Variants in NOTCH4 observed in about 807,000 individuals in gnomAD.
The protein encoded by NOTCH4 is notch receptor 4, also known as neurogenic locus notch homolog protein 4.
A neutral mutation model predicts 189.0 loss-of-function variants in NOTCH4; 138 were observed. The observed-to-expected ratio is 0.73, with a 90% CI of 0.64 to 0.84. NOTCH4 has a LOEUF of 0.84. NOTCH4 is among the 40% of genes least tolerant of loss of function. NOTCH4 has a pLI of 0.00. For synonymous variants in NOTCH4, 942 were observed against 1,032.8 expected (o/e 0.91, Z 1.69); for missense variants, 2,286 against 2,605.4 (o/e 0.88, Z 2.67).
In NOTCH4 at chr6:32,219,572, A is replaced by G; in HGVS notation, c.1510+20T>C. The stretch of plus-strand genomic sequence containing the variant: ...ACTAGTTCCCTGTTTTCCCCACCCA[A>G]GGCCCCATCCAGCTGATACCTGGCG... On this transcript the variant is annotated intron_variant, in intron 8 of 29. Coordinates refer to ENST00000375023, the MANE Select transcript of NOTCH4 (RefSeq NM_004557.4). 1 of 1,608,958 alleles carries G rather than the reference A, an allele frequency of 6.2e-7. No individual in the cohort carries two copies. Among genetic ancestry groups the G allele is most frequent in the Non-Finnish European group, 8.5e-7 (1 of 1,177,910 alleles).
Position 32,197,555 on chromosome 6 carries a change from T to TC in NOTCH4, c.4795dup (p.Glu1599GlyfsTer16). 6.2e-7 allele frequency: 1 copy of TC among 1,612,458 alleles called. No individual in the cohort carries two copies. The highest frequency in any genetic ancestry group is 1.1e-5 in the South Asian group (1 of 90,842). ...CCCTTGGAAGGTCCCGGACTGTACT[T>TC]CCCCACAGCAAACTGCTGACATCAG... On this transcript the variant is annotated frameshift_variant, in exon 27 of 30. Transcript: ENST00000375023. LOFTEE classifies it high-confidence loss of function.
At chr6:32,196,836 C>A in intron 28 of NOTCH4, 89 bp downstream of exon 28, 2 of 1,465,226 alleles carry the variant, frequency 1.4e-6, no homozygotes, top group Non-Finnish European at 1.9e-6. Context: ...AGAGGGAATG[C>A]CCCTCTGCTG....
intron 7 of NOTCH4, 95 bp downstream of exon 7, chr6:32,220,033 TG>T: frequency 7.1e-7 from 1 of 1,407,756 alleles, no homozygotes; most frequent in Non-Finnish European, 9.8e-7. Context: ...AAAAGATGTT[TG>T]GTTTTTTAAT....
rs1218431534 is a variant in NOTCH4, at chr6:32,223,950, C to A, written c.-22G>T. ...GCATTCCACAGCCCCTTCTCCAAGC[C>A]CCGGTCCCTGTCCCTCTTCAGGCAG... is the stretch of plus-strand genomic sequence containing the variant. On this transcript the variant is annotated 5_prime_UTR_variant, in exon 1 of 30. Coordinates refer to ENST00000375023, the MANE Select transcript of NOTCH4 (RefSeq NM_004557.4). 4 of 1,588,050 alleles carry A rather than the reference C, an allele frequency of 2.5e-6. No homozygotes were observed. Among genetic ancestry groups the A allele is most frequent in the African/African-American group, 2.7e-5 (2 of 74,008 alleles).
In NOTCH4 at chr6:32,201,135, G is replaced by A. The variant is rs1322935878; in HGVS notation, c.4121C>T (p.Thr1374Ile). 3 of 1,611,340 alleles carry A rather than the reference G, an allele frequency of 1.9e-6. No individual in the cohort carries two copies. Among genetic ancestry groups the A allele is most frequent in the Admixed American group, 1.7e-5 (1 of 59,866 alleles). Residue 1374 changes from threonine (T) to isoleucine (I), a missense_variant, in exon 22 of 30, where the codon ACC (threonine) becomes ATC (isoleucine). Thr to Ile is a moderately conservative substitution (Grantham distance 89). Around this residue, in one of 2 missense-constraint regions of NOTCH4, gnomAD observed 1,903 missense variants for 2,261.9 expected, o/e 0.84. Transcript: ENST00000375023. This position sits in a 1 kb window ranked among gnomAD's most constrained non-coding sequence, Gnocchi z 5.5. ...APQTQPLGKE[T>I]DSLSAGFVVV... ...TTCTTACCCAGCACTGAGGGAGTCGGTCTCCTTGCCCAGGGGCTGCGTTTG... is the reference window on the plus strand; with the variant it reads ...TTCTTACCCAGCACTGAGGGAGTCGATCTCCTTGCCCAGGGGCTGCGTTTG...
At position 32,215,220 on chromosome 6, in the gene NOTCH4, T is replaced by C; in HGVS notation, c.2021+6A>G. The stretch of plus-strand genomic sequence containing the variant: ...GGGCAGATGGGGAGGGTCTGGAAGA[T>C]GTTACCTCTGGCAGTGCCCGTGGTG... On this transcript the variant is annotated splice_donor_region_variant and intron_variant, in intron 12 of 29. Coordinates refer to ENST00000375023, the MANE Select transcript of NOTCH4 (RefSeq NM_004557.4). 2 of 1,591,028 alleles carry C rather than the reference T, an allele frequency of 1.3e-6. No homozygotes were observed. The highest frequency in any genetic ancestry group is 1.7e-6 in the Non-Finnish European group (2 of 1,170,430).
chr6:32,217,009 G>T lies in NOTCH4; in HGVS notation c.1797C>A (p.Pro599=). The part of the protein sequence containing the change: ...EVDECLSDPC[P]VGASCLDLPG... ...GAAGATCAAGGCAGCTGGCTCCAAC[G>T]GGACATGGGTCACTCAGGCACTCAT... The change falls in exon 11 of 30, where the codon CCC becomes CCA. Residue 599 remains proline, a synonymous_variant. Coordinates refer to ENST00000375023, the MANE Select transcript of NOTCH4 (RefSeq NM_004557.4). The surrounding 1 kb of genome is among the most constrained non-coding windows in gnomAD (Gnocchi z 4.2). The T allele has an allele frequency of 6.2e-7, 1 of 1,613,076 alleles. No individual in the cohort carries two copies. The highest frequency in any genetic ancestry group is 8.5e-7 in the Non-Finnish European group (1 of 1,180,030).
chr6:32,213,273 G>C, intron 14 of NOTCH4, 21 bp from the exon 15 acceptor site: 1 of 1,571,918 alleles, frequency 6.4e-7, no homozygotes, highest in Non-Finnish European at 8.7e-7. Context: ...GAGGCTGTGA[G>C]GGTTTGGGTT....
intron 18 of NOTCH4, among the ~76,000 whole-genome samples, chr6:32,204,844 A>G (rs1429907921): frequency 6.6e-6 from 1 of 152,214 alleles, no homozygotes; most frequent in Non-Finnish European, 1.5e-5. Context: ...CATTTATTGC[A>G]TGATTTATAT....
rs1379259029 is a variant in NOTCH4 at position 32,195,116 on chromosome 6, A to G, written c.*321T>C. ...CACCCTTTGGAAACCATATATAGGA[A>G]AGAACATCTTACATCCCATATGCCT... is the stretch of plus-strand genomic sequence containing the variant. On this transcript the variant is annotated 3_prime_UTR_variant, in exon 30 of 30. Coordinates refer to ENST00000375023, the MANE Select transcript of NOTCH4 (RefSeq NM_004557.4). The surrounding 1 kb of genome is among the most constrained non-coding windows in gnomAD (Gnocchi z 5.4). 2.7e-6 allele frequency: 1 copy of G among 373,378 alleles called. No homozygotes were observed. Among genetic ancestry groups the G allele is most frequent in the Non-Finnish European group, 4.8e-6 (1 of 206,254 alleles). The allele number at this position is 373,378 out of a possible 1,614,324, so 23.1% of individuals were successfully genotyped here.
chr6:32,203,747 A>G, intron 20 of NOTCH4, 23 bp downstream of exon 20: 2 of 1,532,648 alleles, frequency 1.3e-6, no homozygotes, highest in Non-Finnish European at 1.8e-6. Context: ...GGCAACAGAG[A>G]AGGCAGATTT....
rs1270936058 is a variant in NOTCH4, at chr6:32,223,893, C to T, written c.36G>A (p.Leu12=). ...CCACTGAGACACATAGCAGCAGCAG[C>T]AGCAGCAGCAGCAGCAGCAGTGAAG... is the stretch of plus-strand genomic sequence containing the variant. ...QPPSLLLLLL[L]LLLLCVSVVR... is the part of the protein sequence containing the mutation. Residue 12 remains leucine, a synonymous_variant, in exon 1 of 30, where the codon CTG becomes CTA. Transcript: ENST00000375023. 7.8e-7 allele frequency: 1 copy of T among 1,282,504 alleles called. No individual in the cohort carries two copies. 79.4% of individuals were successfully genotyped at this position (1,282,504 alleles called of 1,614,324 possible).
chr6:32,197,078 G>A lies in NOTCH4; in HGVS notation c.5053-6C>T, dbSNP rs755195402. On this transcript the variant is annotated splice_region_variant and splice_polypyrimidine_tract_variant and intron_variant, in intron 27 of 29. Coordinates refer to ENST00000375023, the MANE Select transcript of NOTCH4 (RefSeq NM_004557.4). The stretch of plus-strand genomic sequence containing the variant: ...TGTCTGCTACGGAGCAGAAGCTGGG[G>A]AGACAGAGGGCCAGTGACCCCTGGG... 1 of 1,612,058 alleles carries A rather than the reference G, an allele frequency of 6.2e-7. No individual in the cohort carries two copies. Among genetic ancestry groups the A allele is most frequent in the Non-Finnish European group, 8.5e-7 (1 of 1,179,938 alleles).
Position 32,197,845 on chromosome 6 carries a change from G to C in NOTCH4, c.4757-251C>G, listed in dbSNP as rs556667280. On this transcript the variant is annotated intron_variant, in intron 26 of 29. Transcript: ENST00000375023. ...TTTTTTTTTTTTTTTTTTCTGAGAC[G>C]GAGTCTCGCCCTGTCACCCAGGCTG... Among the ~76,000 whole-genome samples the C allele has an allele frequency of 2.1e-5, 3 of 141,442 alleles. No individual in the cohort carries two copies. In the East Asian group the frequency reaches 6.3e-4, roughly 30 times the overall value. The allele number at this position is 141,442 out of a possible 152,430, so 92.8% of individuals were successfully genotyped here.
rs1463009269 is a variant in NOTCH4, at chr6:32,220,661, G to A, written c.923-20C>T. On this transcript the variant is annotated intron_variant, in intron 5 of 29. Coordinates refer to ENST00000375023, the MANE Select transcript of NOTCH4 (RefSeq NM_004557.4). ...CCCAGCCTGCAGGGGGTTGGGGAGG[G>A]GACGAGGGCTAAGGCTGGGAGCCCT... 1 of 1,612,628 alleles carries A rather than the reference G, an allele frequency of 6.2e-7. No homozygotes were observed. The highest frequency in any genetic ancestry group is 8.5e-7 in the Non-Finnish European group (1 of 1,178,900).
chr6:32,211,014 A>C, intron 17 of NOTCH4, 78 bp from the exon 18 acceptor site: 3 of 1,370,120 alleles, frequency 2.2e-6, no homozygotes, highest in African/African-American at 1.5e-5. Context: ...TAATCCCAGC[A>C]CTTTGGGAGG....
At chr6:32,223,813 T>G in intron 1 of NOTCH4, 43 bp downstream of exon 1, 1 of 1,589,274 alleles carries the variant, frequency 6.3e-7, no homozygotes, top group Admixed American at 1.7e-5. Flanking sequence ...ATCATCCTCC[T>G]AAGGGAGCTG....
At position 32,210,876 on chromosome 6, in the gene NOTCH4, TAGG is replaced by T; in HGVS notation, c.2738_2740del (p.Ser913del). ...GAATCCAGGGGGGCAGTGGCAGAAA[TAGG>T]AGGGGCCGCTGTCGACACAGAGGCC... On this transcript the variant is annotated inframe_deletion, in exon 18 of 30. Coordinates refer to ENST00000375023, the MANE Select transcript of NOTCH4 (RefSeq NM_004557.4). This position sits in a 1 kb window ranked among gnomAD's most constrained non-coding sequence, Gnocchi z 4.8. 6.2e-7 allele frequency: 1 copy of T among 1,612,506 alleles called. No homozygotes were observed. Among genetic ancestry groups the T allele is most frequent in the Non-Finnish European group, 8.5e-7 (1 of 1,179,800 alleles).
intron 11 of NOTCH4, 89 bp from the exon 12 acceptor site, chr6:32,215,474 T>C (rs1388811844): frequency 1.5e-6 from 2 of 1,306,196 alleles, no homozygotes; most frequent in Non-Finnish European, 2.1e-6. Flanking sequence ...CCAAAGCCAC[T>C]TCTTATGCTT....
Sources: gnomAD v4.1 joint callset for allele counts (sites outside exome capture counted in the v4.1 genomes callset) on GRCh38, gnomAD v4.1.1 for gene constraint, gnomAD v4.1.1 regional missense constraint, Gnocchi (gnomAD v3.1) non-coding constraint, MANE v1.5 for transcripts, NCBI Gene and HGNC (gene_info 2026-07-23, HGNC 2026-07-21) for gene names.